ARHGAP32: variants seen among roughly 807,000 people sequenced by gnomAD.
The protein encoded by ARHGAP32 is rho GTPase-activating protein 32.
In ARHGAP32, 51 loss-of-function variants were observed where a neutral mutation model predicts 186.5. The ratio of observed to expected loss-of-function variants is 0.27; its 90% confidence interval spans 0.22 to 0.35. ARHGAP32 has a LOEUF of 0.35. Ranked by LOEUF, ARHGAP32 falls within the 10% of genes least tolerant of loss-of-function variation. The pLI is 1.00. For synonymous variants in ARHGAP32, 950 were observed against 964.3 expected (o/e 0.99, Z 0.27); for missense variants, 2,186 against 2,623.5 (o/e 0.83, Z 3.64).
At position 128,969,996 on chromosome 11, in the gene ARHGAP32, A is replaced by C. The variant is rs1273382832; in HGVS notation, c.5217T>G (p.Asn1739Lys). ...CAGCAGCCGGAGGCATGCTGACTAC[A>C]TTATGGTCGTTGGGAGAGAAATAGC... ...VTGYFSPNDH[N>K]VVSMPPAADV... Residue 1739 changes from asparagine (N) to lysine (K), a missense_variant, in exon 23 of 23, where the codon AAT becomes AAG. By Grantham distance (94) the Asn-to-Lys change is moderately conservative (BLOSUM62 0). This residue lies in a region of ARHGAP32 where 1,502 missense variants were observed against 1,570.0 expected (regional missense o/e 0.96). Coordinates refer to ENST00000682385, the MANE Select transcript of ARHGAP32 (RefSeq NM_001378024.1). This position sits in a 1 kb window ranked among gnomAD's most constrained non-coding sequence, Gnocchi z 4.8. 5 of 1,614,032 alleles carry C rather than the reference A, an allele frequency of 3.1e-6. No individual in the cohort carries two copies. The South Asian group carries it at 4.4e-5, about 14-fold the overall frequency.
At chr11:129,193,710 T>TTATATA (rs1555111398), upstream of ARHGAP32, among the ~76,000 whole-genome samples, 3 of 37,246 alleles carry the variant, frequency 8.1e-5, no homozygotes, top group African/African-American at 2.7e-4. Context: ...ATAATATATA[T>TTATATA]TATATATTAT....
chr11:129,048,345 C>G (rs1939897673), intron 10 of ARHGAP32, among the ~76,000 whole-genome samples: 1 of 152,016 alleles, frequency 6.6e-6, no homozygotes, highest in Non-Finnish European at 1.5e-5. Context: ...CAGTCCAACA[C>G]CAAACGTCAG....
intron 2 of ARHGAP32, among the ~76,000 whole-genome samples, chr11:129,162,950 C>T (rs981324181): frequency 6.6e-6 from 1 of 152,060 alleles, no homozygotes; most frequent in Admixed American, 6.6e-5. Flanking sequence ...AACTACAGGT[C>T]CAGTAGGGTT....
chr11:129,109,494 C>T (rs1490338450), intron 5 of ARHGAP32, among the ~76,000 whole-genome samples: 5 of 152,010 alleles, frequency 3.3e-5, no homozygotes, highest in Non-Finnish European at 7.4e-5. Context: ...TTTGAGAAAT[C>T]TCCATACTGT....
chr11:129,079,545 G>A (rs1018410927), intron 6 of ARHGAP32, among the ~76,000 whole-genome samples: 1 of 152,140 alleles, frequency 6.6e-6, no homozygotes, highest in Non-Finnish European at 1.5e-5. Context: ...ACAAACAAAT[G>A]TTGAGAGAAT....
intron 1 of ARHGAP32, among the ~76,000 whole-genome samples, chr11:129,234,825 A>C (rs1033426069): frequency 6.6e-5 from 10 of 152,112 alleles, no homozygotes; most frequent in Non-Finnish European, 1.3e-4. Context: ...CAACAGAAAA[A>C]ACAAACAAAC....
chr11:129,097,858 C>A (rs1941779943), intron 5 of ARHGAP32, among the ~76,000 whole-genome samples: 1 of 152,122 alleles, frequency 6.6e-6, no homozygotes, highest in Admixed American at 6.5e-5. Flanking sequence ...GAGACCCACA[C>A]TAAGACACCC....
In ARHGAP32 at chr11:129,041,597, A is replaced by G. The variant is rs553456646; in HGVS notation, c.964-588T>C. Among the ~76,000 whole-genome samples the G allele has an allele frequency of 3.3e-5, 5 of 152,264 alleles. No individual in the cohort carries two copies. The East Asian group carries it at 7.7e-4, about 23-fold the overall frequency. ...TAAAAACTAGTAGCGCATGGAAAAG[A>G]GGGAAAGTAAGAGAGAAGAAAACAG... On this transcript the variant is annotated intron_variant, in intron 10 of 22. Transcript: ENST00000682385.
chr11:129,007,016 A>G (rs1937811658), intron 11 of ARHGAP32, among the ~76,000 whole-genome samples: 1 of 152,082 alleles, frequency 6.6e-6, no homozygotes, highest in Admixed American at 6.6e-5. Flanking sequence ...CCACCACCAC[A>G]GGGCCACAGG....
intron 5 of ARHGAP32, among the ~76,000 whole-genome samples, chr11:129,115,038 T>C (rs975254611): frequency 2.6e-5 from 4 of 152,118 alleles, no homozygotes; most frequent in Non-Finnish European, 4.4e-5. Flanking sequence ...TTCTTTTCTT[T>C]TATTCATCTT....
At chr11:128,981,675 C>T in intron 16 of ARHGAP32, 114 bp from the exon 17 acceptor site, 1 of 1,270,324 alleles carries the variant, frequency 7.9e-7, no homozygotes, top group South Asian at 1.5e-5. Context: ...CTTTTACTGT[C>T]CCTTAGCTAA....
chr11:129,193,541 T>TTATATATAATATA (rs1555111173), upstream of ARHGAP32, among the ~76,000 whole-genome samples: 1 of 31,054 alleles, frequency 3.2e-5, no homozygotes, highest in African/African-American at 1.3e-4. Flanking sequence ...AATATATATA[T>TTATATATAATATA]TATATATAAT....
At chr11:129,145,724 G>A (rs572128004) in intron 2 of ARHGAP32, among the ~76,000 whole-genome samples, 2 of 152,190 alleles carry the variant, frequency 1.3e-5, no homozygotes, top group East Asian at 3.9e-4. Flanking sequence ...TTATGAAACT[G>A]CCAATTGTTA....
intron 1 of ARHGAP32, among the ~76,000 whole-genome samples, chr11:129,222,930 C>T (rs1472475657): frequency 6.6e-6 from 1 of 152,048 alleles, no homozygotes. Context: ...GGATCTAGTG[C>T]AGTGCTGTGT....
chr11:129,242,936 T>A (rs1374951138), intron 1 of ARHGAP32, among the ~76,000 whole-genome samples: 4 of 152,208 alleles, frequency 2.6e-5, no homozygotes, highest in African/African-American at 9.6e-5. Flanking sequence ...CACACCTACC[T>A]GCACATTTTC....
chr11:129,044,914 T>C (rs1790004416), intron 10 of ARHGAP32, among the ~76,000 whole-genome samples: 2 of 152,088 alleles, frequency 1.3e-5, no homozygotes, highest in Admixed American at 6.5e-5. Context: ...TTTCCATCAC[T>C]TCCCACAAAG....
At chr11:129,257,501 T>C (rs773942488) in intron 1 of ARHGAP32, among the ~76,000 whole-genome samples, 1 of 152,062 alleles carries the variant, frequency 6.6e-6, no homozygotes, top group Non-Finnish European at 1.5e-5. Flanking sequence ...CAGCCAGGCA[T>C]GATGATGCAT....
At chr11:129,265,461 G>A (rs1008920369) in intron 1 of ARHGAP32, among the ~76,000 whole-genome samples, 3 of 152,136 alleles carry the variant, frequency 2.0e-5, no homozygotes, top group Non-Finnish European at 2.9e-5. Context: ...TTCTCAACCC[G>A]AGTTAAGTGT....
At position 129,221,479 on chromosome 11, in the gene ARHGAP32, CTGTGTGTGTGTGTGTGTG is replaced by C. The variant is rs537808170; in HGVS notation, c.-4-57070_-4-57053del. On this transcript the variant is annotated intron_variant, in intron 1 of 6. Coordinates refer to the ARHGAP32 transcript ENST00000525234. ...GAAACAAGCTTTGTAATTGTCATTA[CTGTGTGTGTGTGTGTGTG>C]TGTGTGTGTGTGTGTGTGTGTGTGT... Among the ~76,000 whole-genome samples, 479 of 121,274 alleles carry C rather than the reference CTGTGTGTGTGTGTGTGTG, an allele frequency of 3.9e-3. 1 individual carries two copies. The highest frequency in any genetic ancestry group is 0.01 in the African/African-American group (317 of 30,732). The allele number at this position is 121,274 out of a possible 152,430, so 79.6% of individuals were successfully genotyped here.
Sources: gnomAD v4.1 joint callset for allele counts (sites outside exome capture counted in the v4.1 genomes callset) on GRCh38, gnomAD v4.1.1 for gene constraint, gnomAD v4.1.1 regional missense constraint, Gnocchi (gnomAD v3.1) non-coding constraint, MANE v1.5 for transcripts, NCBI Gene and HGNC (gene_info 2026-07-23, HGNC 2026-07-21) for gene names.